Variants in CPEB3 observed in about 807,000 individuals in gnomAD.
The protein encoded by CPEB3 is cytoplasmic polyadenylation element-binding protein 3.
CPEB3 carries 20 observed loss-of-function variants against 67.2 expected under a neutral mutation model. The ratio of observed to expected loss-of-function variants is 0.30; its 90% CI spans 0.21 to 0.43. The LOEUF (loss-of-function observed/expected upper bound fraction) is 0.43. CPEB3 is among the 20% of genes least tolerant of loss of function. The probability of loss-of-function intolerance (pLI) is 1.00; values close to 1 mark genes in which losing one functional copy is unlikely to be tolerated. For missense variants in CPEB3, 746 were observed against 968.6 expected, an observed-to-expected ratio of 0.77 and a Z score of 3.05; for synonymous variants, 376 against 393.1, an observed-to-expected ratio of 0.96 and a Z score of 0.51.
At chr10:92,116,264 A>AT (rs925157171) in intron 6 of CPEB3, among the ~76,000 whole-genome samples, 110 of 146,700 alleles carry the variant, frequency 7.5e-4, no homozygotes, top group Middle Eastern at 3.6e-3. Flanking sequence ...AAAAAAAAAA[A>AT]AAATAATAAT....
At chr10:92,155,932 T>C (rs560707989) in intron 4 of CPEB3, among the ~76,000 whole-genome samples, 2 of 152,320 alleles carry the variant, frequency 1.3e-5, no homozygotes, top group African/African-American at 4.8e-5. Flanking sequence ...TAATATGCTA[T>C]TATTTATAAA....
At position 92,153,715 on chromosome 10, in the gene CPEB3, A is replaced by C. The variant is rs188484972; in HGVS notation, c.1223-8630T>G. Among the ~76,000 whole-genome samples, 1,275 of 152,334 alleles carry C rather than the reference A, an allele frequency of 8.4e-3. 9 individuals are homozygous for C. Among genetic ancestry groups the C allele is most frequent in the Non-Finnish European group, 0.014 (959 of 68,034 alleles). ...CGAATTGCTTGAACTTGGGAGGCGG[A>C]GGCTGCAGTGAGCCAAGATTGCACC... On this transcript the variant is annotated intron_variant, in intron 4 of 9. Transcript: ENST00000265997.
chr10:92,246,905 C>T (rs946533930), intron 1 of CPEB3, among the ~76,000 whole-genome samples: 1 of 152,156 alleles, frequency 6.6e-6, no homozygotes, highest in Non-Finnish European at 1.5e-5. Flanking sequence ...GTTAATCCAC[C>T]TAACTCCAAG....
chr10:92,136,373 A>T (rs1226879598), intron 6 of CPEB3, among the ~76,000 whole-genome samples: 1 of 152,206 alleles, frequency 6.6e-6, no homozygotes, highest in African/African-American at 2.4e-5. Context: ...CTGCACAGCA[A>T]AGGAAACAGT....
intron 1 of CPEB3, among the ~76,000 whole-genome samples, chr10:92,254,301 T>C (rs1225431456): frequency 6.6e-6 from 1 of 152,050 alleles, no homozygotes; most frequent in Non-Finnish European, 1.5e-5. Context: ...ATAATTTTGG[T>C]CAATTATTCA....
At chr10:92,276,495 T>C (rs1297245005) in intron 1 of CPEB3, among the ~76,000 whole-genome samples, 1 of 151,650 alleles carries the variant, frequency 6.6e-6, no homozygotes, top group Non-Finnish European at 1.5e-5. Context: ...GCCAGGCTGG[T>C]CTTGAACTCC....
Position 92,049,976 on chromosome 10 carries a change from T to A in CPEB3, c.*2236A>T, listed in dbSNP as rs1041740904. 2.0e-5 allele frequency: 3 copies of A among 152,482 alleles called. No individual in the cohort carries two copies. The highest frequency in any genetic ancestry group is 7.2e-5 in the African/African-American group (3 of 41,440). 9.4% of individuals were successfully genotyped at this position (152,482 alleles called of 1,614,324 possible). A position where few individuals can be genotyped will look rare whatever the true frequency, so the allele number is the denominator to read the frequency against. The stretch of plus-strand genomic sequence containing the variant: ...TAATATATATTTTTCTGAATAAACT[T>A]ACTTAGAAAATATCATTTTCTTTCC... On this transcript the variant is annotated 3_prime_UTR_variant, in exon 10 of 10. Transcript: ENST00000265997.
At chr10:92,138,534 A>G (rs1274922168) in intron 6 of CPEB3, among the ~76,000 whole-genome samples, 1 of 151,842 alleles carries the variant, frequency 6.6e-6, no homozygotes, top group Non-Finnish European at 1.5e-5. Flanking sequence ...AGGGAGGGTG[A>G]AAGATCTGAA....
At position 92,061,362 on chromosome 10, in the gene CPEB3, T is replaced by C. The variant is rs576450529; in HGVS notation, c.1870-8923A>G. Among the ~76,000 whole-genome samples, 297 of 141,904 alleles carry C rather than the reference T, an allele frequency of 2.1e-3. 1 individual carries two copies. Among genetic ancestry groups the C allele is most frequent in the African/African-American group, 7.8e-3 (289 of 37,046 alleles). 93.1% of individuals were successfully genotyped at this position (141,904 alleles called of 152,430 possible). On this transcript the variant is annotated intron_variant, in intron 9 of 9. Transcript: ENST00000265997. ...TGAACCCGGGAGGTGGAGGTTGCAGTGAGCCAAGATCGCGCCACTGCACTC... is the reference window on the plus strand; with the variant it reads ...TGAACCCGGGAGGTGGAGGTTGCAGCGAGCCAAGATCGCGCCACTGCACTC...
chr10:92,257,726 C>T (rs1005621764), intron 1 of CPEB3, among the ~76,000 whole-genome samples: 3 of 135,678 alleles, frequency 2.2e-5, no homozygotes, highest in African/African-American at 8.9e-5. Flanking sequence ...AGGACCTCAA[C>T]TCTTTTTTTT....
At chr10:92,221,928 T>C (rs1023233606) in intron 2 of CPEB3, among the ~76,000 whole-genome samples, 1 of 152,202 alleles carries the variant, frequency 6.6e-6, no homozygotes, top group Non-Finnish European at 1.5e-5. Flanking sequence ...AACGAGCCTT[T>C]ACCAGACAAT....
intron 9 of CPEB3, among the ~76,000 whole-genome samples, chr10:92,060,023 T>A (rs1277914177): frequency 6.6e-6 from 1 of 151,848 alleles, no homozygotes; most frequent in East Asian, 1.9e-4. Context: ...TTTTAATTGA[T>A]GCAGAAAAAG....
chr10:92,053,181 C>G (rs1444749794), intron 9 of CPEB3, among the ~76,000 whole-genome samples: 1 of 152,128 alleles, frequency 6.6e-6, no homozygotes, highest in Non-Finnish European at 1.5e-5. Flanking sequence ...TAATCTCCCC[C>G]CAACACTGGA....
At chr10:92,241,357 G>T (rs1851846124) in intron 1 of CPEB3, among the ~76,000 whole-genome samples, 1 of 152,096 alleles carries the variant, frequency 6.6e-6, no homozygotes, top group African/African-American at 2.4e-5. Context: ...AGAGATTTAA[G>T]TAGACAGTCA....
intron 2 of CPEB3, among the ~76,000 whole-genome samples, chr10:92,203,382 G>A (rs1364626267): frequency 1.9e-4 from 28 of 144,654 alleles, no homozygotes; most frequent in African/African-American, 6.8e-4. Flanking sequence ...ATGTATATAT[G>A]TATGTGTATA....
At chr10:92,103,495 C>A (rs1844292766) in intron 7 of CPEB3, among the ~76,000 whole-genome samples, 1 of 152,214 alleles carries the variant, frequency 6.6e-6, no homozygotes, top group Non-Finnish European at 1.5e-5. Context: ...ATAAAACAGT[C>A]TACACGTACT....
At chr10:92,099,691 T>TA (rs113971658) in intron 7 of CPEB3, among the ~76,000 whole-genome samples, 63,931 of 138,786 alleles carry the variant, frequency 0.46, 14,338 homozygotes, top group Admixed American at 0.54. Context: ...CCATTTCTAC[T>TA]AAAAAAAAAA....
intron 6 of CPEB3, among the ~76,000 whole-genome samples, chr10:92,118,497 A>T (rs1463101542): frequency 1.3e-5 from 2 of 152,194 alleles, no homozygotes; most frequent in African/African-American, 4.8e-5. Context: ...AGGCCTATGT[A>T]GATATAATTG....
rs78192888 is a variant in CPEB3, at chr10:92,123,025, C to T, written c.1454-11831G>A. Among the ~76,000 whole-genome samples the T allele has an allele frequency of 1.7e-3, 262 of 152,272 alleles. 1 individual carries two copies. The highest frequency in any genetic ancestry group is 6.2e-3 in the African/African-American group (257 of 41,548). On this transcript the variant is annotated intron_variant, in intron 6 of 9. Coordinates refer to ENST00000265997, the MANE Select transcript of CPEB3 (RefSeq NM_014912.5). ...TGTTTTCTACGACACTACCAACTTT[C>T]TTTGTGGGTTGGTTGCTTGGCAGCA...
Sources: gnomAD v4.1 joint callset for allele counts (sites outside exome capture counted in the v4.1 genomes callset) on GRCh38, gnomAD v4.1.1 for gene constraint, MANE v1.5 for transcripts, NCBI Gene and HGNC (gene_info 2026-07-23, HGNC 2026-07-21) for gene names.